Variants in SMG1 observed in about 807,000 individuals in gnomAD.
The protein encoded by SMG1 is SMG1 nonsense mediated mRNA decay associated PI3K related kinase.
A neutral mutation model predicts 419.9 loss-of-function variants in SMG1; 22 were observed. The ratio of observed to expected loss-of-function variants is 0.05; its 90% CI spans 0.04 to 0.07. SMG1 has a LOEUF of 0.07. SMG1 is among the 10% of genes least tolerant of loss of function. The pLI is 1.00. For missense variants in SMG1, 3,185 were observed against 4,342.0 expected (o/e 0.73, Z 7.49); for synonymous variants, 1,538 against 1,553.5 (o/e 0.99, Z 0.23).
chr16:18,885,265 T>C, intron 7 of SMG1, 103 bp from the exon 8 acceptor site: 1 of 651,556 alleles, frequency 1.5e-6, no homozygotes. Flanking sequence ...AGCATCTATG[T>C]TCTACCTACT....
rs960472773 is a variant in SMG1, at chr16:18,809,025, T to A, written c.*544A>T. ...ATTTTCAGTCCATTTCTGAAATTCATATCGCATAGCCTTTAGCCTTTTTCT... is the reference window on the plus strand; with the variant it reads ...ATTTTCAGTCCATTTCTGAAATTCAAATCGCATAGCCTTTAGCCTTTTTCT... On this transcript the variant is annotated 3_prime_UTR_variant, in exon 63 of 63. Coordinates refer to ENST00000446231, the MANE Select transcript of SMG1 (RefSeq NM_015092.5). 1 of 153,190 alleles carries A rather than the reference T, an allele frequency of 6.5e-6. No individual in the cohort carries two copies. The highest frequency in any genetic ancestry group is 1.5e-5 in the Non-Finnish European group (1 of 68,412). The allele number at this position is 153,190 out of a possible 1,614,324, so 9.5% of individuals were successfully genotyped here.
intron 12 of SMG1, among the ~76,000 whole-genome samples, chr16:18,876,645 T>A (rs772348884): frequency 7.0e-6 from 1 of 143,292 alleles, no homozygotes; most frequent in Non-Finnish European, 1.5e-5. Flanking sequence ...ACTGTCAATA[T>A]GAAATTTCCG....
chr16:18,894,718 A>C (rs1376180191), intron 3 of SMG1, among the ~76,000 whole-genome samples: 1 of 151,912 alleles, frequency 6.6e-6, no homozygotes, highest in African/African-American at 2.4e-5. Context: ...AAATGTCCAA[A>C]AAGTAATTAC....
chr16:18,847,074 T>A (rs368439890), intron 38 of SMG1, among the ~76,000 whole-genome samples: 1 of 142,244 alleles, frequency 7.0e-6, no homozygotes, highest in Non-Finnish European at 1.5e-5. Flanking sequence ...TATATCACGT[T>A]ACAACATAAT....
In SMG1 at chr16:18,847,779, T is replaced by C. The variant is rs898976233; in HGVS notation, c.5841+37A>G. 19 of 1,598,968 alleles carry C rather than the reference T, an allele frequency of 1.2e-5. No homozygotes were observed. The African/African-American group carries it at 1.9e-4, about 16-fold the overall frequency. ...GGCAAAAGCAATTTTTATTATTCTA[T>C]AAAAAATTCTTCTACAACATGTGAG... On this transcript the variant is annotated intron_variant, in intron 37 of 62. Transcript: ENST00000446231.
intron 1 of SMG1, among the ~76,000 whole-genome samples, chr16:18,908,120 G>A (rs1285059435): frequency 1.3e-5 from 2 of 151,826 alleles, no homozygotes; most frequent in African/African-American, 4.8e-5. Flanking sequence ...AATCCCAGCT[G>A]TTTGGGAGCC....
intron 39 of SMG1, among the ~76,000 whole-genome samples, chr16:18,843,666 T>C (rs1285230525): frequency 6.6e-6 from 1 of 152,168 alleles, no homozygotes; most frequent in Admixed American, 6.5e-5. Flanking sequence ...TAAAACTTAA[T>C]ACCAATCCAA....
chr16:18,843,349 T>C (rs914402021), intron 39 of SMG1, among the ~76,000 whole-genome samples: 2 of 152,230 alleles, frequency 1.3e-5, no homozygotes, highest in Non-Finnish European at 2.9e-5. Flanking sequence ...CATTTAGGTC[T>C]GACCACTTGA....
At chr16:18,902,519 T>C (rs1376531235) in intron 1 of SMG1, among the ~76,000 whole-genome samples, 4 of 151,932 alleles carry the variant, frequency 2.6e-5, no homozygotes, top group East Asian at 1.9e-4. Context: ...CCTGGCAATA[T>C]GGTGAAACTG....
chr16:18,835,956 C>G lies in SMG1; in HGVS notation c.8034G>C (p.Glu2678Asp). 6.4e-7 allele frequency: 1 copy of G among 1,552,882 alleles called. No homozygotes were observed. The highest frequency in any genetic ancestry group is 8.7e-7 in the Non-Finnish European group (1 of 1,147,398). ...ACTTCCTATAGAGCTCTTGACAACGCTCTACTGTGGTGTTACAGATGAGCT... is the reference window on the plus strand; with the variant it reads ...ACTTCCTATAGAGCTCTTGACAACGGTCTACTGTGGTGTTACAGATGAGCT... ...MEELICNTTV[E>D]RCQELYRKYE... Residue 2678 changes from glutamate (E) to aspartate (D), a missense_variant, in exon 48 of 63, where the codon GAG becomes GAC. Glu to Asp is a conservative substitution (Grantham distance 45, BLOSUM62 2). This residue lies in a region of SMG1 where 412 missense variants were observed against 546.6 expected (regional missense o/e 0.75). Coordinates refer to ENST00000446231, the MANE Select transcript of SMG1 (RefSeq NM_015092.5).
At chr16:18,896,296 C>G (rs1285256103) in intron 2 of SMG1, 89 bp from the exon 3 acceptor site, 84 of 1,254,682 alleles carry the variant, frequency 6.7e-5, no homozygotes, top group Non-Finnish European at 9.1e-5. Context: ...ATTACTCAAT[C>G]TGCAGCTCAA....
In SMG1 at chr16:18,835,943, G is replaced by A. The variant is rs1198280497; in HGVS notation, c.8047C>T (p.Leu2683Phe). The change falls in exon 48 of 63, where the codon CTC becomes TTC. Residue 2683 changes from leucine (L) to phenylalanine (F), a missense_variant. Leu to Phe is a conservative substitution (Grantham distance 22, BLOSUM62 0). Around this residue, in one of 27 missense-constraint regions of SMG1, gnomAD observed 412 missense variants for 546.6 expected, o/e 0.75. Transcript: ENST00000446231. ...CNTTVERCQE[L>F]YRKYEMQYAP... Reference sequence around the variant, plus strand: ...GCACTATCAACTTACTTCCTATAGAGCTCTTGACAACGCTCTACTGTGGTG... The same window carrying A: ...GCACTATCAACTTACTTCCTATAGAACTCTTGACAACGCTCTACTGTGGTG... The A allele has an allele frequency of 6.4e-7, 1 of 1,552,374 alleles. No homozygotes were observed. Among genetic ancestry groups the A allele is most frequent in the East Asian group, 2.4e-5 (1 of 40,924 alleles).
At chr16:18,848,100 G>C in intron 36 of SMG1, 67 bp from the exon 37 acceptor site, 1 of 1,311,316 alleles carries the variant, frequency 7.6e-7, no homozygotes, top group Non-Finnish European at 1.1e-6. Context: ...CTAGGTTAGG[G>C]AAAACACTGA....
intron 48 of SMG1, among the ~76,000 whole-genome samples, chr16:18,835,652 T>C (rs1044725862): frequency 2.0e-5 from 3 of 152,006 alleles, no homozygotes; most frequent in Non-Finnish European, 2.9e-5. Context: ...ACGCCTGTAA[T>C]CCCAGAAATT....
In SMG1 at chr16:18,833,179, G is replaced by A. The variant is rs755989691; in HGVS notation, c.8566-13C>T. The A allele has an allele frequency of 5.0e-6, 8 of 1,605,126 alleles. No individual in the cohort carries two copies. In the East Asian group the frequency reaches 1.6e-4, roughly 31 times the overall value. On this transcript the variant is annotated splice_polypyrimidine_tract_variant and intron_variant, in intron 50 of 62. Coordinates refer to ENST00000446231, the MANE Select transcript of SMG1 (RefSeq NM_015092.5). ...TCGAATTCAATTCCTATAAATATAT[G>A]AGAAAAAAACTTTTAATGTTTTTTG...
intron 6 of SMG1, among the ~76,000 whole-genome samples, chr16:18,887,927 A>G (rs2036705723): frequency 6.6e-6 from 1 of 151,584 alleles, no homozygotes; most frequent in Non-Finnish European, 1.5e-5. Flanking sequence ...ATACTTTGGG[A>G]GGCCGAGGCA....
chr16:18,868,888 A>G (rs1357912789), intron 20 of SMG1, among the ~76,000 whole-genome samples, 169 bp from the exon 21 acceptor site: 2 of 152,164 alleles, frequency 1.3e-5, no homozygotes, highest in Admixed American at 6.5e-5. Context: ...AAAGAAATAT[A>G]TATTTTTTCC....
chr16:18,839,615 G>A, intron 42 of SMG1, 83 bp downstream of exon 42: 1 of 1,546,466 alleles, frequency 6.5e-7, no homozygotes, highest in African/African-American at 1.4e-5. Context: ...GGAAGGAAGG[G>A]AAGGAGGACA....
chr16:18,871,103 C>T lies in SMG1; in HGVS notation c.2303-215G>A, dbSNP rs142792103. On this transcript the variant is annotated intron_variant, in intron 16 of 62. Coordinates refer to ENST00000446231, the MANE Select transcript of SMG1 (RefSeq NM_015092.5). ...GTAATGTAACTGATGGGTCATCACACAAAACTTTTTCTGAGAGAAAATGTA... is the reference window on the plus strand; with the variant it reads ...GTAATGTAACTGATGGGTCATCACATAAAACTTTTTCTGAGAGAAAATGTA... Among the ~76,000 whole-genome samples the T allele has an allele frequency of 2.4e-3, 368 of 152,148 alleles. 2 individuals are homozygous for T. The highest frequency in any genetic ancestry group is 2.8e-3 in the Non-Finnish European group (192 of 67,998).
Sources: gnomAD v4.1 joint callset for allele counts (sites outside exome capture counted in the v4.1 genomes callset) on GRCh38, gnomAD v4.1.1 for gene constraint, gnomAD v4.1.1 regional missense constraint, MANE v1.5 for transcripts, NCBI Gene and HGNC (gene_info 2026-07-23, HGNC 2026-07-21) for gene names.